TET3: variants seen among roughly 807,000 people sequenced by gnomAD.
TET3 encodes methylcytosine dioxygenase TET3.
TET3 carries 19 observed loss-of-function variants against 141.4 expected under a neutral mutation model. That is an observed-to-expected ratio of 0.13 (90% CI 0.09 to 0.20). TET3 has a LOEUF of 0.20. Among genes scored for constraint, TET3 ranks in the 10% least tolerant of loss-of-function variants. The probability of loss-of-function intolerance (pLI) is 1.00; values close to 1 mark genes in which losing one functional copy is unlikely to be tolerated. For synonymous variants in TET3, 1,043 were observed against 980.9 expected (o/e 1.06, Z -1.18); for missense variants, 1,874 against 2,356.9 (o/e 0.80, Z 4.24).
chr2:74,020,021 T>C (rs942026972), intron 3 of TET3, among the ~76,000 whole-genome samples: 10 of 152,212 alleles, frequency 6.6e-5, no homozygotes, highest in Admixed American at 2.6e-4. Context: ...GTACAGAACA[T>C]TGTGAGATGG....
intron 10 of TET3, among the ~76,000 whole-genome samples, chr2:74,094,181 A>C (rs1428096161): frequency 1.3e-5 from 2 of 152,196 alleles, no homozygotes; most frequent in Non-Finnish European, 2.9e-5. Context: ...GCTGTTTTAG[A>C]TGAGAGGCTG....
In TET3 at chr2:74,100,959, T is replaced by A. The variant is rs772289221; in HGVS notation, c.4171T>A (p.Cys1391Ser). ...CTCCCCCTTTGCCCAGAGCTCCAAC[T>A]GCTACAACAGATCCATCAAGCAAGA... ...DPSPFAQSSN[C>S]YNRSIKQEPV... The change falls in exon 12 of 12, where the codon TGC becomes AGC. Residue 1391 changes from cysteine (C) to serine (S), a missense_variant. By Grantham distance (112) the Cys-to-Ser change is moderately radical (BLOSUM62 -1). Around this residue, in one of 10 missense-constraint regions of TET3, gnomAD observed 602 missense variants for 590.2 expected, o/e 1.02. Transcript: ENST00000409262. 5.0e-6 allele frequency: 8 copies of A among 1,611,524 alleles called. No individual in the cohort carries two copies. The highest frequency in any genetic ancestry group is 1.7e-5 in the Admixed American group (1 of 59,626).
At chr2:74,050,821 G>A (rs1213361617) in intron 4 of TET3, among the ~76,000 whole-genome samples, 2 of 151,906 alleles carry the variant, frequency 1.3e-5, no homozygotes, top group African/African-American at 4.8e-5. Context: ...CAAAGTGCTG[G>A]GATTATAGTC....
chr2:73,998,116 A>G (rs1044406885), intron 2 of TET3, among the ~76,000 whole-genome samples: 1 of 152,144 alleles, frequency 6.6e-6, no homozygotes, highest in Non-Finnish European at 1.5e-5. Flanking sequence ...GTACCGCGTG[A>G]GAATCCTAGA....
At position 74,046,390 on chromosome 2, in the gene TET3, G is replaced by A. The variant is rs1343699542; in HGVS notation, c.473G>A (p.Gly158Asp). The change falls in exon 4 of 12, where the codon GGT (glycine) becomes GAT (aspartate). Residue 158 changes from glycine (G) to aspartate (D), a missense_variant. Physicochemically the swap from Gly to Asp is moderately conservative, Grantham distance 94 (BLOSUM62 -1). This residue lies in a region of TET3 where 366 missense variants were observed against 487.0 expected (regional missense o/e 0.75). Transcript: ENST00000409262. The surrounding 1 kb of genome is among the most constrained non-coding windows in gnomAD (Gnocchi z 4.3). ...AGCGCCTCAGGGGTGCCGGTCAATG[G>A]TGCTAGAGAGCCCGCTGGACCCAGT... ...QLSASGVPVN[G>D]AREPAGPSLL... The A allele has an allele frequency of 6.4e-7, 1 of 1,563,090 alleles. No homozygotes were observed. Among genetic ancestry groups the A allele is most frequent in the Non-Finnish European group, 8.6e-7 (1 of 1,156,836 alleles).
chr2:74,103,680 G>A lies in TET3; in HGVS notation c.*1504G>A, dbSNP rs1338300968. On this transcript the variant is annotated 3_prime_UTR_variant, in exon 12 of 12. Coordinates refer to ENST00000409262, the MANE Select transcript of TET3 (RefSeq NM_001287491.2). ...AATTTTTGTGACGTTGTCGAGAGAG[G>A]TTGGGCCTGATGGGAGCAACACTCA... 1 of 153,200 alleles carries A rather than the reference G, an allele frequency of 6.5e-6. No individual in the cohort carries two copies. Among genetic ancestry groups the A allele is most frequent in the Non-Finnish European group, 1.5e-5 (1 of 68,040 alleles). The allele number at this position is 153,200 out of a possible 1,614,324, so 9.5% of individuals were successfully genotyped here. A position where few individuals can be genotyped will look rare whatever the true frequency, so the allele number is the denominator to read the frequency against.
intron 3 of TET3, among the ~76,000 whole-genome samples, chr2:74,045,068 C>T (rs1414371750): frequency 6.6e-6 from 1 of 152,184 alleles, no homozygotes; most frequent in African/African-American, 2.4e-5. Flanking sequence ...CTAGAACGCC[C>T]TTCAATTTGG....
chr2:74,123,792 G>A, the TET3 span, among the ~76,000 whole-genome samples: 6 of 151,876 alleles, frequency 4.0e-5, no homozygotes, highest in East Asian at 5.9e-4. Context: ...CTTCCCGGCC[G>A]CCATCCCGTC....
chr2:74,005,898 C>T (rs760144360), intron 3 of TET3, among the ~76,000 whole-genome samples: 5 of 152,214 alleles, frequency 3.3e-5, no homozygotes, highest in Non-Finnish European at 7.3e-5. Context: ...GCTACCACCT[C>T]CTCGTTGGCA....
chr2:74,081,597 T>C (rs1233471701), intron 6 of TET3, among the ~76,000 whole-genome samples: 1 of 152,060 alleles, frequency 6.6e-6, no homozygotes, highest in African/African-American at 2.4e-5. Context: ...AGGAGAATCA[T>C]GTGGGCAAAG....
At chr2:73,989,254 C>T (rs891623505) in intron 2 of TET3, among the ~76,000 whole-genome samples, 1 of 152,064 alleles carries the variant, frequency 6.6e-6, no homozygotes, top group Non-Finnish European at 1.5e-5. Context: ...GCTGTTTTGG[C>T]TGTGACTGTT....
At chr2:74,126,007 AC>A in the TET3 span, among the ~76,000 whole-genome samples, 1 of 152,216 alleles carries the variant, frequency 6.6e-6, no homozygotes, top group Non-Finnish European at 1.5e-5. Flanking sequence ...TGATCCAACC[AC>A]CTCAGCCTCT....
intron 3 of TET3, among the ~76,000 whole-genome samples, chr2:74,022,234 A>G (rs957607508): frequency 1.3e-5 from 2 of 151,826 alleles, no homozygotes; most frequent in African/African-American, 4.8e-5. Context: ...TTGATTTGCA[A>G]ATCTTTCCTT....
At chr2:74,044,315 G>C (rs191822171) in intron 3 of TET3, among the ~76,000 whole-genome samples, 243 of 152,086 alleles carry the variant, frequency 1.6e-3, no homozygotes, top group African/African-American at 5.6e-3. Context: ...ATCATACTTG[G>C]GACTTCACAT....
chr2:74,083,482 A>T (rs1449340430), intron 6 of TET3, among the ~76,000 whole-genome samples: 2 of 152,102 alleles, frequency 1.3e-5, no homozygotes, highest in East Asian at 1.9e-4. Flanking sequence ...GCTGGGGGTT[A>T]TGTTACTCTT....
chr2:74,078,431 T>TC (rs1219405371), intron 5 of TET3, among the ~76,000 whole-genome samples: 11 of 152,262 alleles, frequency 7.2e-5, no homozygotes, highest in Admixed American at 2.6e-4. Context: ...GCTTGCTTTT[T>TC]CCCCCCCACT....
At chr2:74,062,766 T>C (rs1688665571) in intron 4 of TET3, among the ~76,000 whole-genome samples, 2 of 152,082 alleles carry the variant, frequency 1.3e-5, no homozygotes, top group Non-Finnish European at 2.9e-5. Context: ...AAGATTGAAT[T>C]TAAGATTGAA....
At chr2:74,049,389 C>T (rs1191519445) in intron 4 of TET3, among the ~76,000 whole-genome samples, 2 of 152,120 alleles carry the variant, frequency 1.3e-5, no homozygotes, top group Non-Finnish European at 2.9e-5. Context: ...GAGTCCACTT[C>T]TAAGCCTTGC....
At chr2:74,013,442 A>G (rs1481325670) in intron 3 of TET3, among the ~76,000 whole-genome samples, 1 of 152,150 alleles carries the variant, frequency 6.6e-6, no homozygotes, top group Admixed American at 6.5e-5. Flanking sequence ...ACTTCATATA[A>G]TGGACTGTGA....
Sources: allele counts gnomAD v4.1 joint callset (sites outside exome capture counted in the v4.1 genomes callset), GRCh38; gene constraint gnomAD v4.1.1; regional missense constraint gnomAD v4.1.1; non-coding constraint Gnocchi (gnomAD v3.1); transcripts MANE v1.5; gene names NCBI Gene and HGNC (gene_info 2026-07-23, HGNC 2026-07-21).